RFX4: variants seen among roughly 807,000 people sequenced by gnomAD.
RFX4 encodes the protein transcription factor RFX4.
A neutral mutation model predicts 95.0 loss-of-function variants in RFX4; 10 were observed. The observed-to-expected ratio is 0.11, with a 90% CI of 0.06 to 0.18. The LOEUF (loss-of-function observed/expected upper bound fraction) is 0.18, where lower values mean the gene tolerates loss of function less well. RFX4 is among the 10% of genes least tolerant of loss of function. The pLI, the probability that RFX4 is intolerant of heterozygous loss-of-function variation, is 1.00. For synonymous variants in RFX4, 321 were observed against 340.7 expected (o/e 0.94, Z 0.64); for missense variants, 640 against 922.0 (o/e 0.69, Z 3.96).
intron 15 of RFX4, among the ~76,000 whole-genome samples, chr12:106,736,044 C>T (rs59787578): frequency 6.6e-6 from 1 of 152,148 alleles, no homozygotes; most frequent in Non-Finnish European, 1.5e-5. Flanking sequence ...GTTACCCAGG[C>T]AACAAATACG....
chr12:106,734,388 G>C (rs2042670739), intron 15 of RFX4, among the ~76,000 whole-genome samples: 1 of 152,080 alleles, frequency 6.6e-6, no homozygotes, highest in Non-Finnish European at 1.5e-5. Context: ...TTGAGGTCAG[G>C]AGTTTGAGAC....
At chr12:106,706,864 G>A (rs138096334) in intron 8 of RFX4, among the ~76,000 whole-genome samples, 424 of 152,344 alleles carry the variant, frequency 2.8e-3, no homozygotes, top group African/African-American at 9.7e-3. Flanking sequence ...AGACTGGGCT[G>A]TAGATGATAT....
chr12:106,595,499 C>T (rs2137173082), intron 1 of RFX4, among the ~76,000 whole-genome samples: 1 of 152,316 alleles, frequency 6.6e-6, no homozygotes, highest in South Asian at 2.1e-4. Flanking sequence ...TGCCCACGGG[C>T]ACTCCTCCCT....
intron 5 of RFX4, 93 bp downstream of exon 5, chr12:106,682,147 G>A: frequency 7.8e-7 from 1 of 1,288,138 alleles, no homozygotes; most frequent in South Asian, 1.2e-5. Context: ...AGCTCTGTCT[G>A]CAGGCCTGGC....
chr12:106,715,571 TC>T (rs1294276584), intron 11 of RFX4, 27 bp downstream of exon 11: 4 of 1,606,654 alleles, frequency 2.5e-6, no homozygotes, highest in Non-Finnish European at 2.6e-6. Context: ...GGGATTGTTG[TC>T]CTGTTTTTAT....
intron 4 of RFX4, among the ~76,000 whole-genome samples, chr12:106,678,449 A>G (rs1283057982): frequency 6.6e-6 from 1 of 152,258 alleles, no homozygotes; most frequent in Non-Finnish European, 1.5e-5. Context: ...TATTGTTTAT[A>G]GAAAATAGGA....
At chr12:106,616,553 T>C (rs2137225070) in intron 2 of RFX4, among the ~76,000 whole-genome samples, 1 of 152,338 alleles carries the variant, frequency 6.6e-6, no homozygotes, top group South Asian at 2.1e-4. Context: ...TCTTTATTTC[T>C]TAATTGTTTG....
intron 2 of RFX4, among the ~76,000 whole-genome samples, chr12:106,638,410 C>T (rs1000054100): frequency 6.6e-6 from 1 of 152,074 alleles, no homozygotes; most frequent in East Asian, 1.9e-4. Context: ...ATGCACAAAC[C>T]CTAAAATATT....
chr12:106,633,643 A>G (rs1382564694), intron 2 of RFX4, among the ~76,000 whole-genome samples: 3 of 152,192 alleles, frequency 2.0e-5, no homozygotes, highest in Non-Finnish European at 4.4e-5. Flanking sequence ...CAAAGTCCAC[A>G]CAGTTGGGGG....
chr12:106,690,085 G>T (rs1176193126), intron 7 of RFX4, among the ~76,000 whole-genome samples: 1 of 152,086 alleles, frequency 6.6e-6, no homozygotes, highest in East Asian at 1.9e-4. Flanking sequence ...TTGTGGGAAG[G>T]GGGTGCTGTT....
In RFX4 at chr12:106,762,085, T is replaced by C. The variant is rs1026324670; in HGVS notation, c.*616T>C. On this transcript the variant is annotated 3_prime_UTR_variant, in exon 18 of 18. Coordinates refer to ENST00000392842, the MANE Select transcript of RFX4 (RefSeq NM_213594.3). ...ACCCACATCTGTCACAGTACCTGCA[T>C]TGTCTTGGAATGTAAGCACTGTCTT... The C allele has an allele frequency of 1.3e-5, 2 of 152,684 alleles. No individual in the cohort carries two copies. The highest frequency in any genetic ancestry group is 2.1e-4 in the South Asian group (1 of 4,834). 9.5% of individuals were successfully genotyped at this position (152,684 alleles called of 1,614,324 possible). A position where few individuals can be genotyped will look rare whatever the true frequency, so the allele number is the denominator to read the frequency against.
At chr12:106,716,204 C>T (rs2042287990) in intron 11 of RFX4, among the ~76,000 whole-genome samples, 1 of 152,046 alleles carries the variant, frequency 6.6e-6, no homozygotes. Context: ...AGCTGACTGC[C>T]CAGGGCATCC....
At chr12:106,593,137 T>A (rs2039571407) in intron 1 of RFX4, among the ~76,000 whole-genome samples, 1 of 152,224 alleles carries the variant, frequency 6.6e-6, no homozygotes, top group African/African-American at 2.4e-5. Context: ...TTATTGTGCC[T>A]CGGAGCAATC....
At chr12:106,670,483 TC>T (rs1180637423) in intron 4 of RFX4, among the ~76,000 whole-genome samples, 1 of 152,222 alleles carries the variant, frequency 6.6e-6, no homozygotes, top group Non-Finnish European at 1.5e-5. Context: ...GGCAACAGAT[TC>T]ACTGTTACCT....
chr12:106,730,792 G>C (rs1232589561), intron 13 of RFX4, among the ~76,000 whole-genome samples: 1 of 152,156 alleles, frequency 6.6e-6, no homozygotes, highest in Non-Finnish European at 1.5e-5. Flanking sequence ...CCTGAGGTCA[G>C]GAGTTTTAGA....
intron 2 of RFX4, among the ~76,000 whole-genome samples, chr12:106,616,894 G>A (rs2040083910): frequency 1.3e-5 from 2 of 151,780 alleles, no homozygotes; most frequent in African/African-American, 4.8e-5. Context: ...CTGAGTAGCT[G>A]GGACTACAGG....
chr12:106,731,990 G>A, intron 13 of RFX4, 140 bp from the exon 14 acceptor site: 1 of 1,211,526 alleles, frequency 8.3e-7, no homozygotes. Flanking sequence ...CTATGACCAT[G>A]AGGAGATCAT....
At chr12:106,742,023 G>A (rs1220051704) in intron 15 of RFX4, among the ~76,000 whole-genome samples, 1 of 152,162 alleles carries the variant, frequency 6.6e-6, no homozygotes, top group Non-Finnish European at 1.5e-5. Flanking sequence ...TTCCTAACAG[G>A]CCACGGTCCG....
chr12:106,664,011 G>A (rs1021783218), intron 4 of RFX4, among the ~76,000 whole-genome samples: 3 of 151,714 alleles, frequency 2.0e-5, no homozygotes, highest in African/African-American at 2.4e-5. Context: ...TGGGAAATTG[G>A]TGTGTAACTT....
Sources: allele counts gnomAD v4.1 joint callset (sites outside exome capture counted in the v4.1 genomes callset), GRCh38; gene constraint gnomAD v4.1.1; transcripts MANE v1.5; gene names NCBI Gene and HGNC (gene_info 2026-07-23, HGNC 2026-07-21).